FHIP2A: variants seen among roughly 807,000 people sequenced by gnomAD.
FHIP2A encodes the protein family with sequence similarity 160 member B1.
A neutral mutation model predicts 93.5 loss-of-function variants in FHIP2A; 46 were observed. The ratio of observed to expected loss-of-function variants is 0.49; its 90% CI spans 0.39 to 0.63. The LOEUF is 0.63. Ranked by LOEUF, FHIP2A falls within the 20% of genes least tolerant of loss-of-function variation. FHIP2A has a pLI of 0.00. For missense variants in FHIP2A, 769 were observed against 909.7 expected (o/e 0.85, Z 1.99); for synonymous variants, 332 against 326.5 (o/e 1.02, Z -0.18).
In FHIP2A at chr10:114,862,833, A is replaced by G. The variant is rs2083808329; in HGVS notation, c.*1293A>G. The stretch of plus-strand genomic sequence containing the variant: ...CTTCTTCATCTTTCCATTTACTGAT[A>G]TTTGGGGGAACAGGCTATCAAAGGT... On this transcript the variant is annotated 3_prime_UTR_variant, in exon 17 of 17. Coordinates refer to ENST00000369248, the MANE Select transcript of FHIP2A (RefSeq NM_020940.4). The G allele has an allele frequency of 3.0e-6, 3 of 985,284 alleles. No homozygotes were observed. The highest frequency in any genetic ancestry group is 1.7e-5 in the African/African-American group (1 of 57,224). 61.0% of individuals were successfully genotyped at this position (985,284 alleles called of 1,614,324 possible). A position where few individuals can be genotyped will look rare whatever the true frequency, so the allele number is the denominator to read the frequency against.
intron 3 of FHIP2A, 106 bp downstream of exon 3, chr10:114,833,508 TG>T: frequency 1.9e-6 from 2 of 1,072,690 alleles, no homozygotes; most frequent in Non-Finnish European, 2.8e-6. Context: ...ATATTGAACA[TG>T]GCAGGATTCA....
At chr10:114,844,167 TC>T (rs2083686681) in intron 7 of FHIP2A, among the ~76,000 whole-genome samples, 2 of 152,340 alleles carry the variant, frequency 1.3e-5, no homozygotes, top group Middle Eastern at 3.4e-3. Context: ...ATTTTACTGA[TC>T]AATTTTTAAG....
chr10:114,871,293 C>T (rs2083859085), intron 16 of FHIP2A, among the ~76,000 whole-genome samples: 1 of 152,032 alleles, frequency 6.6e-6, no homozygotes, highest in South Asian at 2.1e-4. Flanking sequence ...GCTGGGACTA[C>T]AGGATCATGC....
Position 114,861,633 on chromosome 10 carries a change from C to T in FHIP2A, c.*93C>T. ...CACCCAGCCACAAGAGGATAAAAAG[C>T]CTTTTTAAACGCAGTATTGCTGTAA... On this transcript the variant is annotated 3_prime_UTR_variant, in exon 17 of 17. Transcript: ENST00000369248. 1 of 1,501,596 alleles carries T rather than the reference C, an allele frequency of 6.7e-7. No homozygotes were observed. The highest frequency in any genetic ancestry group is 8.8e-7 in the Non-Finnish European group (1 of 1,131,530). The allele number at this position is 1,501,596 out of a possible 1,614,324, so 93.0% of individuals were successfully genotyped here. A position where few individuals can be genotyped will look rare whatever the true frequency, so the allele number is the denominator to read the frequency against.
In FHIP2A at chr10:114,821,934, C is replaced by T; in HGVS notation, c.-145C>T. ...CACACCTGAAGCGGCCGGGCCAGGCCCTGCCTCGATCCTCAGCTCGTCCTC... is the reference window on the plus strand; with the variant it reads ...CACACCTGAAGCGGCCGGGCCAGGCTCTGCCTCGATCCTCAGCTCGTCCTC... On this transcript the variant is annotated 5_prime_UTR_variant, in exon 1 of 17. Coordinates refer to ENST00000369248, the MANE Select transcript of FHIP2A (RefSeq NM_020940.4). The T allele has an allele frequency of 2.6e-6, 1 of 388,606 alleles. No homozygotes were observed. Among genetic ancestry groups the T allele is most frequent in the South Asian group, 1.2e-4 (1 of 8,060 alleles). The allele number at this position is 388,606 out of a possible 1,614,324, so 24.1% of individuals were successfully genotyped here. A position where few individuals can be genotyped will look rare whatever the true frequency, so the allele number is the denominator to read the frequency against.
intron 13 of FHIP2A, among the ~76,000 whole-genome samples, chr10:114,851,726 A>G: frequency 6.6e-6 from 1 of 151,420 alleles, no homozygotes; most frequent in East Asian, 1.9e-4. Flanking sequence ...AAAAAAAAAA[A>G]AAAAAAAAAA....
chr10:114,858,155 TATAAA>T (rs2083777842), intron 14 of FHIP2A, among the ~76,000 whole-genome samples: 1 of 152,200 alleles, frequency 6.6e-6, no homozygotes. Context: ...CTGTATAAAG[TATAAA>T]ATAAAGGGAC....
At chr10:114,878,775 CA>C (rs71007499) in intron 16 of FHIP2A, among the ~76,000 whole-genome samples, 183 of 101,208 alleles carry the variant, frequency 1.8e-3, no homozygotes, top group South Asian at 5.1e-3. Context: ...GACTTCGCCT[CA>C]AAAAAAAAAA....
intron 16 of FHIP2A, among the ~76,000 whole-genome samples, chr10:114,877,437 A>T (rs935518073): frequency 3.3e-5 from 5 of 152,070 alleles, no homozygotes; most frequent in Admixed American, 2.0e-4. Context: ...TTTGCATTCA[A>T]TCAATTATAC....
intron 14 of FHIP2A, among the ~76,000 whole-genome samples, chr10:114,858,400 G>GT (rs962758922): frequency 1.3e-5 from 2 of 151,894 alleles, no homozygotes; most frequent in African/African-American, 4.8e-5. Context: ...ACAAACCAAG[G>GT]TAACACCACA....
Position 114,862,475 on chromosome 10 carries a change from A to G in FHIP2A, c.*935A>G, listed in dbSNP as rs1004775204. 1.0e-6 allele frequency: 1 copy of G among 987,458 alleles called. No individual in the cohort carries two copies. The highest frequency in any genetic ancestry group is 1.2e-6 in the Non-Finnish European group (1 of 830,092). 61.2% of individuals were successfully genotyped at this position (987,458 alleles called of 1,614,324 possible). ...TGACTGATAACCCTTGGCAGCAATC[A>G]AAGTGCCAGTGGCTCCTCGATGTTT... On this transcript the variant is annotated 3_prime_UTR_variant, in exon 17 of 17. Coordinates refer to ENST00000369248, the MANE Select transcript of FHIP2A (RefSeq NM_020940.4).
intron 2 of FHIP2A, among the ~76,000 whole-genome samples, chr10:114,831,770 G>C (rs1020864064): frequency 2.0e-5 from 3 of 152,152 alleles, no homozygotes; most frequent in African/African-American, 4.8e-5. Context: ...GTTGGTGACT[G>C]ATGCTTACAT....
rs1224756971 is a variant in FHIP2A, at chr10:114,864,117, TA to T, written c.*2578del. 1 of 976,206 alleles carries T rather than the reference TA, an allele frequency of 1.0e-6. No individual in the cohort carries two copies. Among genetic ancestry groups the T allele is most frequent in the Non-Finnish European group, 1.2e-6 (1 of 821,186 alleles). The allele number at this position is 976,206 out of a possible 1,614,324, so 60.5% of individuals were successfully genotyped here. On this transcript the variant is annotated 3_prime_UTR_variant, in exon 17 of 17. Transcript: ENST00000369248. ...ACATTATTGTGTGTGTATATATGTA[TA>T]TATGTATATATATAAGGACCAAAAT...
intron 16 of FHIP2A, among the ~76,000 whole-genome samples, chr10:114,891,579 G>A (rs142090202): frequency 0.019 from 2,848 of 148,320 alleles, 90 homozygotes; most frequent in African/African-American, 0.067. Flanking sequence ...GTGTGCACGC[G>A]TATGTATGTG....
chr10:114,845,389 G>C lies in FHIP2A; in HGVS notation c.1036G>C (p.Glu346Gln). The change falls in exon 8 of 17, where the codon GAA (glutamate) becomes CAA (glutamine). Residue 346 changes from glutamate (E) to glutamine (Q), a missense_variant. Coordinates refer to ENST00000369248, the MANE Select transcript of FHIP2A (RefSeq NM_020940.4). ...CAGCTTGGACTCATATAGTCATAAAGAAGATGCTTCAGCATTTCCAGGAAA... is the reference window on the plus strand; with the variant it reads ...CAGCTTGGACTCATATAGTCATAAACAAGATGCTTCAGCATTTCCAGGAAA... ...NWGLDSYSHKEDASAFPGKRA... is the reference protein window; with the variant it reads ...NWGLDSYSHKQDASAFPGKRA... The C allele has an allele frequency of 6.2e-7, 1 of 1,611,644 alleles. No homozygotes were observed. The highest frequency in any genetic ancestry group is 8.5e-7 in the Non-Finnish European group (1 of 1,177,928).
chr10:114,860,691 T>G lies in FHIP2A; in HGVS notation c.1948-58T>G. The G allele has an allele frequency of 2.2e-6, 3 of 1,358,002 alleles. No individual in the cohort carries two copies. In the South Asian group the frequency reaches 3.5e-5, roughly 16 times the overall value. The allele number at this position is 1,358,002 out of a possible 1,614,324, so 84.1% of individuals were successfully genotyped here. Reference sequence around the variant, plus strand: ...TAAAAGAACAAATTGAAATAGTAAATTAAGCACACCGGTATACATTATTTT... The same window carrying G: ...TAAAAGAACAAATTGAAATAGTAAAGTAAGCACACCGGTATACATTATTTT... On this transcript the variant is annotated intron_variant, in intron 14 of 16. Coordinates refer to ENST00000369248, the MANE Select transcript of FHIP2A (RefSeq NM_020940.4).
At chr10:114,868,983 A>G (rs1592028893), downstream of FHIP2A, among the ~76,000 whole-genome samples, 1 of 152,142 alleles carries the variant, frequency 6.6e-6, no homozygotes, top group East Asian at 1.9e-4. Context: ...AACAAGAGAC[A>G]CACCCAGCCT....
rs1258040833 is a variant in FHIP2A at position 114,855,200 on chromosome 10, C to G, written c.1807C>G (p.Arg603Gly). The stretch of plus-strand genomic sequence containing the variant: ...TCACATGCTTTTTTCCCCCTAGTTC[C>G]GAGACTACTGTGCTATCTGCTTAAG... ...TYLRDAHRQF[R>G]DYCAICLRWE... The change falls in exon 14 of 17, where the codon CGA (arginine) becomes GGA (glycine). Residue 603 changes from arginine (R) to glycine (G), a missense_variant. By Grantham distance (125) the Arg-to-Gly change is moderately radical. Transcript: ENST00000369248. 2 of 1,609,690 alleles carry G rather than the reference C, an allele frequency of 1.2e-6. No homozygotes were observed. The highest frequency in any genetic ancestry group is 8.5e-7 in the Non-Finnish European group (1 of 1,178,216).
At chr10:114,831,847 A>G (rs976030904) in intron 2 of FHIP2A, among the ~76,000 whole-genome samples, 1 of 152,192 alleles carries the variant, frequency 6.6e-6, no homozygotes, top group Non-Finnish European at 1.5e-5. Context: ...GTCTAACTCC[A>G]GGGCCCATGC....
Sources: gnomAD v4.1 joint callset for allele counts (sites outside exome capture counted in the v4.1 genomes callset) on GRCh38, gnomAD v4.1.1 for gene constraint, MANE v1.5 for transcripts, NCBI Gene and HGNC (gene_info 2026-07-23, HGNC 2026-07-21) for gene names.